The following STX7 variants were observed in gnomAD, a reference collection of about 807,000 sequenced individuals.
The protein encoded by STX7 is syntaxin-7.
In STX7, 34 loss-of-function variants were observed where a neutral mutation model predicts 39.6. That is an observed-to-expected ratio of 0.86 (90% CI 0.65 to 1.14). STX7 has a LOEUF of 1.14. Among genes scored for constraint, STX7 ranks in the 50% most tolerant of loss-of-function variants. STX7 has a pLI of 0.00. For synonymous variants in STX7, 119 were observed against 99.1 expected (o/e 1.20, Z -1.19); for missense variants, 284 against 310.4 (o/e 0.92, Z 0.64).
chr6:132,451,389 C>T lies in STX7; in HGVS notation c.*9369G>A, dbSNP rs1351997739. The T allele has an allele frequency of 5.3e-5, 8 of 152,184 alleles. No homozygotes were observed. Among genetic ancestry groups the T allele is most frequent in the African/African-American group, 1.2e-4 (5 of 41,424 alleles). The allele number at this position is 152,184 out of a possible 1,614,324, so 9.4% of individuals were successfully genotyped here. On this transcript the variant is annotated 3_prime_UTR_variant, in exon 10 of 10. Coordinates refer to ENST00000367941, the MANE Select transcript of STX7 (RefSeq NM_003569.3). The stretch of plus-strand genomic sequence containing the variant: ...GGGCTTACAGGCGTGAGCCACCCCT[C>T]TTGGCTGGAAGTGGCAGAACAATTT...
At position 132,463,984 on chromosome 6, in the gene STX7, T is replaced by A; in HGVS notation, c.693+9A>T. The A allele has an allele frequency of 6.2e-7, 1 of 1,613,910 alleles. No individual in the cohort carries two copies. Among genetic ancestry groups the A allele is most frequent in the South Asian group, 1.1e-5 (1 of 91,080 alleles). On this transcript the variant is annotated intron_variant, in intron 9 of 9. Transcript: ENST00000367941. ...TAAGTTATAAGAAAATTGATCACAG[T>A]TAAATTACCTGATAATCTGCTGCCC...
At chr6:132,510,873 C>A (rs755722081) in intron 1 of STX7, among the ~76,000 whole-genome samples, 3 of 152,216 alleles carry the variant, frequency 2.0e-5, no homozygotes, top group Non-Finnish European at 4.4e-5. Flanking sequence ...AAAATTTAAT[C>A]TTGAAGTGTC....
At chr6:132,489,296 A>T (rs533030451) in intron 2 of STX7, among the ~76,000 whole-genome samples, 10 of 152,090 alleles carry the variant, frequency 6.6e-5, no homozygotes, top group Non-Finnish European at 1.3e-4. Flanking sequence ...AGATGTTATT[A>T]CTAATAAGTC....
chr6:132,490,268 A>G (rs1775246430), intron 2 of STX7, among the ~76,000 whole-genome samples: 1 of 152,124 alleles, frequency 6.6e-6, no homozygotes, highest in East Asian at 1.9e-4. Flanking sequence ...TACTGCTCCA[A>G]AAGCAGCTGA....
At chr6:132,481,261 C>T (rs1371267803) in intron 2 of STX7, among the ~76,000 whole-genome samples, 1 of 152,012 alleles carries the variant, frequency 6.6e-6, no homozygotes, top group Admixed American at 6.6e-5. Context: ...CCCAAAACTA[C>T]TATTAGATTG....
At position 132,455,645 on chromosome 6, in the gene STX7, A is replaced by T. The variant is rs1158568181; in HGVS notation, c.*5113T>A. ...CCCACTCTAAGCAATTAAGTGACCA[A>T]CCTCTTAAAAACTTGCCAGAAGCTA... On this transcript the variant is annotated 3_prime_UTR_variant, in exon 10 of 10. Coordinates refer to ENST00000367941, the MANE Select transcript of STX7 (RefSeq NM_003569.3). 6.6e-6 allele frequency: 1 copy of T among 152,128 alleles called. No homozygotes were observed. Among genetic ancestry groups the T allele is most frequent in the Non-Finnish European group, 1.5e-5 (1 of 68,030 alleles). 9.4% of individuals were successfully genotyped at this position (152,128 alleles called of 1,614,324 possible). A position where few individuals can be genotyped will look rare whatever the true frequency, so the allele number is the denominator to read the frequency against.
Position 132,447,864 on chromosome 6 carries a change from G to A in STX7, c.*12894C>T, listed in dbSNP as rs2114310440. The A allele has an allele frequency of 1.3e-5, 2 of 151,458 alleles. No individual in the cohort carries two copies. The highest frequency in any genetic ancestry group is 4.2e-4 in the South Asian group (2 of 4,786). 9.4% of individuals were successfully genotyped at this position (151,458 alleles called of 1,614,324 possible). The stretch of plus-strand genomic sequence containing the variant: ...GTGAGATAGGCAATTTATATTTATT[G>A]TAACCATTTATTATATACTATGCCA... On this transcript the variant is annotated 3_prime_UTR_variant, in exon 10 of 10. Coordinates refer to ENST00000367941, the MANE Select transcript of STX7 (RefSeq NM_003569.3).
At chr6:132,494,151 G>C (rs918307897) in intron 2 of STX7, among the ~76,000 whole-genome samples, 1 of 151,846 alleles carries the variant, frequency 6.6e-6, no homozygotes, top group African/African-American at 2.4e-5. Flanking sequence ...ATACACTTAG[G>C]ATAAAATGTC....
Position 132,450,583 on chromosome 6 carries a change from C to A in STX7, c.*10175G>T, listed in dbSNP as rs112767268. On this transcript the variant is annotated 3_prime_UTR_variant, in exon 10 of 10. Coordinates refer to ENST00000367941, the MANE Select transcript of STX7 (RefSeq NM_003569.3). The stretch of plus-strand genomic sequence containing the variant: ...GGTTTATACTCCAGGGGTCAACCAA[C>A]ATTTTCGGTAAAGGGCCAGAAATTT... 235 of 151,724 alleles carry A rather than the reference C, an allele frequency of 1.5e-3. No individual in the cohort carries two copies. The highest frequency in any genetic ancestry group is 5.4e-3 in the African/African-American group (223 of 41,388). The allele number at this position is 151,724 out of a possible 1,614,324, so 9.4% of individuals were successfully genotyped here. A position where few individuals can be genotyped will look rare whatever the true frequency, so the allele number is the denominator to read the frequency against.
In STX7 at chr6:132,457,305, C is replaced by T. The variant is rs887135902; in HGVS notation, c.*3453G>A. On this transcript the variant is annotated 3_prime_UTR_variant, in exon 10 of 10. Transcript: ENST00000367941. Reference sequence around the variant, plus strand: ...TCTTGTGACCTCAGTGAATGAGATGCTGCTTTATCCAATCTACTGACTTTG... The same window carrying T: ...TCTTGTGACCTCAGTGAATGAGATGTTGCTTTATCCAATCTACTGACTTTG... The T allele has an allele frequency of 1.2e-4, 18 of 152,242 alleles. No homozygotes were observed. Among genetic ancestry groups the T allele is most frequent in the African/African-American group, 4.3e-4 (18 of 41,460 alleles). The allele number at this position is 152,242 out of a possible 1,614,324, so 9.4% of individuals were successfully genotyped here.
intron 4 of STX7, among the ~76,000 whole-genome samples, chr6:132,471,925 T>C (rs1042470138): frequency 6.6e-6 from 1 of 152,168 alleles, no homozygotes; most frequent in African/African-American, 2.4e-5. Context: ...TTCCATTAAA[T>C]AAGCAGGGAA....
Position 132,456,732 on chromosome 6 carries a change from T to C in STX7, c.*4026A>G, listed in dbSNP as rs1340234681. 1 of 152,212 alleles carries C rather than the reference T, an allele frequency of 6.6e-6. No individual in the cohort carries two copies. Among genetic ancestry groups the C allele is most frequent in the Non-Finnish European group, 1.5e-5 (1 of 68,036 alleles). The allele number at this position is 152,212 out of a possible 1,614,324, so 9.4% of individuals were successfully genotyped here. ...ATTCTGAGGCTTCCACTTCACGTGG[T>C]TTGAACTGTACATCTCAGTGTTTGT... On this transcript the variant is annotated 3_prime_UTR_variant, in exon 10 of 10. Transcript: ENST00000367941.
At chr6:132,464,162 T>A (rs1774498144) in intron 8 of STX7, 87 bp from the exon 9 acceptor site, 1 of 1,264,026 alleles carries the variant, frequency 7.9e-7, no homozygotes. Flanking sequence ...CAAGGTAAGA[T>A]TAAATATGGT....
chr6:132,494,858 T>C (rs1403117593), intron 2 of STX7, among the ~76,000 whole-genome samples: 3 of 152,174 alleles, frequency 2.0e-5, no homozygotes, highest in African/African-American at 7.2e-5. Flanking sequence ...TGGCAACTAT[T>C]TGGAGAAGAC....
chr6:132,498,422 T>G (rs937642975), intron 2 of STX7, among the ~76,000 whole-genome samples: 2 of 151,418 alleles, frequency 1.3e-5, no homozygotes, highest in Admixed American at 1.3e-4. Flanking sequence ...TTTCCTTTTT[T>G]GGGGGTATAA....
Position 132,471,493 on chromosome 6 carries a change from A to G in STX7, c.357T>C (p.Val119=). Reference sequence around the variant, plus strand: ...CTCTGGAACTGGCTCTTACTCGAGCAACAAACTCTTTCTCTCGCTCAGCAG... The same window carrying G: ...CTCTGGAACTGGCTCTTACTCGAGCGACAAACTCTTTCTCTCGCTCAGCAG... ...RQAAEREKEF[V]ARVRASSRVS... Residue 119 remains valine, a synonymous_variant, in exon 5 of 10, where the codon GTT becomes GTC. Transcript: ENST00000367941. 3.1e-6 allele frequency: 5 copies of G among 1,614,052 alleles called. No homozygotes were observed. The highest frequency in any genetic ancestry group is 4.2e-6 in the Non-Finnish European group (5 of 1,179,940).
chr6:132,502,322 G>A (rs548972642), intron 2 of STX7, among the ~76,000 whole-genome samples: 62 of 152,238 alleles, frequency 4.1e-4, no homozygotes, highest in African/African-American at 1.4e-3. Context: ...GCCTTGTAAG[G>A]AACTAGGCTG....
At position 132,503,494 on chromosome 6, in the gene STX7, G is replaced by A; in HGVS notation, c.37C>T (p.Gln13Ter). 1.2e-6 allele frequency: 2 copies of A among 1,614,088 alleles called. No homozygotes were observed. Among genetic ancestry groups the A allele is most frequent in the Non-Finnish European group, 1.7e-6 (2 of 1,179,962 alleles). ...YTPGVGGDPAQLAQRISSNIQ... is the reference protein window; with the variant it reads ...YTPGVGGDPA ...TTAGAAGAGATCCTCTGGGCCAACT[G>A]GGCGGGGTCACCACCAACTCCTGGA... Residue 13 changes from glutamine (Q) to a stop codon, truncating the protein, a stop_gained, in exon 2 of 10, where the codon CAG becomes TAG. Transcript: ENST00000367941. LOFTEE classifies it high-confidence loss of function.
rs1184784095 is a variant in STX7, at chr6:132,450,261, G to A, written c.*10497C>T. The A allele has an allele frequency of 4.6e-5, 7 of 152,102 alleles. No individual in the cohort carries two copies. Among genetic ancestry groups the A allele is most frequent in the Non-Finnish European group, 1.0e-4 (7 of 68,000 alleles). The allele number at this position is 152,102 out of a possible 1,614,324, so 9.4% of individuals were successfully genotyped here. A position where few individuals can be genotyped will look rare whatever the true frequency, so the allele number is the denominator to read the frequency against. On this transcript the variant is annotated 3_prime_UTR_variant, in exon 10 of 10. Coordinates refer to ENST00000367941, the MANE Select transcript of STX7 (RefSeq NM_003569.3). ...TTGAGTATACCTAGTCAACCATATG[G>A]CAGGAAGCAGAAATCATCTACTTCG...
Sources: allele counts gnomAD v4.1 joint callset (sites outside exome capture counted in the v4.1 genomes callset), GRCh38; gene constraint gnomAD v4.1.1; transcripts MANE v1.5; gene names NCBI Gene and HGNC (gene_info 2026-07-23, HGNC 2026-07-21).